The following PHACTR4 variants were observed in gnomAD, a reference collection of about 807,000 sequenced individuals.
The protein encoded by PHACTR4 is phosphatase and actin regulator 4, also known as protein phosphatase 1, regulatory subunit 124.
Under a neutral mutation model 72.7 loss-of-function variants are expected in PHACTR4, and 51 were observed. The ratio of observed to expected loss-of-function variants is 0.70; its 90% CI spans 0.56 to 0.89. PHACTR4 has a LOEUF of 0.89. PHACTR4 is among the 40% of genes least tolerant of loss of function. The pLI, the probability that PHACTR4 is intolerant of heterozygous loss-of-function variation, is 0.00. For synonymous variants in PHACTR4, 255 were observed against 302.5 expected, an observed-to-expected ratio of 0.84 and a Z score of 1.63; for missense variants, 731 against 861.8, an observed-to-expected ratio of 0.85 and a Z score of 1.90.
At chr1:28,379,734 C>T (rs1234591117) in intron 1 of PHACTR4, among the ~76,000 whole-genome samples, 2 of 151,568 alleles carry the variant, frequency 1.3e-5, no homozygotes, top group Admixed American at 6.6e-5. Context: ...GGACTACAGG[C>T]GCCCGCCACC....
At chr1:28,427,709 C>CT in intron 2 of PHACTR4, among the ~76,000 whole-genome samples, 1 of 152,008 alleles carries the variant, frequency 6.6e-6, no homozygotes, top group East Asian at 1.9e-4. Context: ...CCTTTCCTCC[C>CT]TTTTTTACTC....
chr1:28,487,518 C>CAAAAAAAAAA, intron 9 of PHACTR4, among the ~76,000 whole-genome samples: 1 of 77,332 alleles, frequency 1.3e-5, no homozygotes, highest in Non-Finnish European at 2.6e-5. Flanking sequence ...GACACACACA[C>CAAAAAAAAAA]AAAAAAAAAA....
chr1:28,457,930 T>C, intron 2 of PHACTR4: 4 of 918,292 alleles, frequency 4.4e-6, no homozygotes, highest in Non-Finnish European at 5.2e-6. Flanking sequence ...TTTTTTTTTT[T>C]TCCTTTCTTT....
chr1:28,459,588 G>A (rs757846667), intron 3 of PHACTR4, among the ~76,000 whole-genome samples: 1 of 151,756 alleles, frequency 6.6e-6, no homozygotes, highest in Admixed American at 6.6e-5. Flanking sequence ...TCTTTGTAGA[G>A]ATGGGGTCTC....
chr1:28,482,937 T>TC (rs1210148857), intron 9 of PHACTR4, among the ~76,000 whole-genome samples: 2 of 139,294 alleles, frequency 1.4e-5, no homozygotes, highest in Non-Finnish European at 3.1e-5. Context: ...AAACCCTGTC[T>TC]CAAAAAAAAA....
At position 28,474,000 on chromosome 1, in the gene PHACTR4, G is replaced by A. The variant is rs1409870596; in HGVS notation, c.1270G>A (p.Ala424Thr). ...PLPLHIRIQQ[A>T]LTSPLPMTPI... is the part of the protein sequence containing the mutation. ...CCCACTGCATATTCGAATCCAGCAGGCCCTCACCAGCCCACTTCCCATGAC... is the reference window on the plus strand; with the variant it reads ...CCCACTGCATATTCGAATCCAGCAGACCCTCACCAGCCCACTTCCCATGAC... Residue 424 changes from alanine to threonine, a missense_variant, in exon 7 of 14, where the codon GCC (alanine) becomes ACC (threonine). Physicochemically the swap from Ala to Thr is moderately conservative, Grantham distance 58 (BLOSUM62 0). Around this residue, in one of 2 missense-constraint regions of PHACTR4, gnomAD observed 621 missense variants for 676.6 expected, o/e 0.92. Transcript: ENST00000373839. The A allele has an allele frequency of 1.2e-6, 2 of 1,613,972 alleles. No homozygotes were observed. Among genetic ancestry groups the A allele is most frequent in the African/African-American group, 1.3e-5 (1 of 74,916 alleles).
chr1:28,453,067 C>T (rs918310077), intron 2 of PHACTR4, among the ~76,000 whole-genome samples: 4 of 151,780 alleles, frequency 2.6e-5, no homozygotes, highest in African/African-American at 9.7e-5. Flanking sequence ...TGTGGTGAGC[C>T]GAGATCACGC....
At chr1:28,391,771 A>G (rs1653065101) in intron 1 of PHACTR4, among the ~76,000 whole-genome samples, 1 of 151,588 alleles carries the variant, frequency 6.6e-6, no homozygotes, top group Admixed American at 6.6e-5. Flanking sequence ...ATGCCCAGCT[A>G]ATTTTTTGTA....
At chr1:28,422,314 A>AT (rs1655559444) in intron 2 of PHACTR4, among the ~76,000 whole-genome samples, 1 of 152,200 alleles carries the variant, frequency 6.6e-6, no homozygotes, top group South Asian at 2.1e-4. Context: ...TGATAATGCA[A>AT]TTTTTAAAAA....
In PHACTR4 at chr1:28,473,705, G is replaced by A; in HGVS notation, c.975G>A (p.Lys325=). The A allele has an allele frequency of 6.2e-7, 1 of 1,614,046 alleles. No individual in the cohort carries two copies. The highest frequency in any genetic ancestry group is 8.5e-7 in the Non-Finnish European group (1 of 1,180,016). The change falls in exon 7 of 14, where the codon AAG becomes AAA. Residue 325 remains lysine, a synonymous_variant. Coordinates refer to ENST00000373839, the MANE Select transcript of PHACTR4 (RefSeq NM_001048183.3). ...TTKTPSDERE[K]STCSMGSELL... ...AAACACCAAGTGATGAAAGAGAGAA[G>A]AGCACGTGTTCTATGGGCTCGGAAC...
At chr1:28,419,401 A>G (rs1381900316) in intron 2 of PHACTR4, among the ~76,000 whole-genome samples, 1 of 149,212 alleles carries the variant, frequency 6.7e-6, no homozygotes, top group African/African-American at 2.6e-5. Flanking sequence ...ACACATATAT[A>G]TACACACACA....
At chr1:28,442,947 A>T (rs1657148070) in intron 2 of PHACTR4, among the ~76,000 whole-genome samples, 2 of 152,106 alleles carry the variant, frequency 1.3e-5, no homozygotes, top group African/African-American at 4.8e-5. Context: ...GAAGGTTGAA[A>T]TCCTCCTCAG....
At chr1:28,444,659 A>G (rs1657306697) in intron 2 of PHACTR4, among the ~76,000 whole-genome samples, 1 of 150,816 alleles carries the variant, frequency 6.6e-6, no homozygotes, top group African/African-American at 2.4e-5. Flanking sequence ...TGTGTTGGCC[A>G]GGCTGGAGTG....
intron 2 of PHACTR4, 127 bp downstream of exon 2, chr1:28,407,590 A>C (rs1654448390): frequency 9.3e-6 from 6 of 645,698 alleles, no homozygotes; most frequent in Non-Finnish European, 1.0e-5. Flanking sequence ...AATGGGTCTC[A>C]AACTTTTTGC....
chr1:28,458,108 T>TTGTGTGTG (rs539564108), intron 2 of PHACTR4, among the ~76,000 whole-genome samples: 77 of 120,342 alleles, frequency 6.4e-4, no homozygotes, highest in East Asian at 9.2e-4. Flanking sequence ...GTGTGTGTGT[T>TTGTGTGTG]TGTGTGTGTG....
chr1:28,440,717 A>G (rs1656966233), intron 2 of PHACTR4, among the ~76,000 whole-genome samples: 1 of 152,146 alleles, frequency 6.6e-6, no homozygotes, highest in Non-Finnish European at 1.5e-5. Flanking sequence ...TTATTATGCT[A>G]TTTATAATTC....
chr1:28,389,795 G>T (rs1056206096), intron 1 of PHACTR4, among the ~76,000 whole-genome samples: 1 of 151,948 alleles, frequency 6.6e-6, no homozygotes, highest in Non-Finnish European at 1.5e-5. Flanking sequence ...ACTGTTCTAT[G>T]GAAAACAGTA....
intron 1 of PHACTR4, among the ~76,000 whole-genome samples, chr1:28,382,059 C>T (rs1386904522): frequency 6.6e-6 from 1 of 152,214 alleles, no homozygotes; most frequent in Non-Finnish European, 1.5e-5. Flanking sequence ...TGAGCCACTG[C>T]GCCCAGCCCT....
At chr1:28,407,589 C>G (rs1654448076) in intron 2 of PHACTR4, 126 bp downstream of exon 2, 3 of 655,490 alleles carry the variant, frequency 4.6e-6, no homozygotes, top group Non-Finnish European at 7.3e-6. Flanking sequence ...TAATGGGTCT[C>G]AAACTTTTTG....
Sources: allele counts gnomAD v4.1 joint callset (sites outside exome capture counted in the v4.1 genomes callset), GRCh38; gene constraint gnomAD v4.1.1; regional missense constraint gnomAD v4.1.1; transcripts MANE v1.5; gene names NCBI Gene and HGNC (gene_info 2026-07-23, HGNC 2026-07-21).